NXPE4: variants seen among roughly 807,000 people sequenced by gnomAD.
NXPE4 encodes NXPE family member 4.
In NXPE4, 42 loss-of-function variants were observed where a neutral mutation model predicts 33.3. That is an observed-to-expected ratio of 1.26 (90% CI 0.98 to 1.63). The LOEUF is 1.63. NXPE4 is among the 40% of genes most tolerant of loss of function. NXPE4 has a pLI of 0.00. For missense variants in NXPE4, 709 were observed against 647.6 expected (o/e 1.09, Z -1.03); for synonymous variants, 253 against 234.9 (o/e 1.08, Z -0.71).
chr11:114,572,434 A>T (rs1212773706), intron 5 of NXPE4, among the ~76,000 whole-genome samples: 1 of 152,228 alleles, frequency 6.6e-6, no homozygotes, highest in African/African-American at 2.4e-5. Flanking sequence ...GAGGCACCAG[A>T]GAAAGGTGAA....
the NXPE4 span, among the ~76,000 whole-genome samples, chr11:114,620,123 T>A: frequency 6.6e-6 from 1 of 152,092 alleles, no homozygotes; most frequent in African/African-American, 2.4e-5. Flanking sequence ...ATAATACGTA[T>A]TTCCTCGTGG....
the NXPE4 span, among the ~76,000 whole-genome samples, chr11:114,641,731 A>G: frequency 2.0e-5 from 3 of 152,120 alleles, no homozygotes; most frequent in African/African-American, 7.2e-5. Flanking sequence ...CTTAGAGCAC[A>G]CTGAAAGTGG....
chr11:114,673,167 TG>T, the NXPE4 span, among the ~76,000 whole-genome samples: 2 of 150,272 alleles, frequency 1.3e-5, no homozygotes, highest in Non-Finnish European at 3.0e-5. Flanking sequence ...AAATTGGTAA[TG>T]AAAATAAATT....
chr11:114,640,378 C>T, the NXPE4 span, among the ~76,000 whole-genome samples: 161 of 149,366 alleles, frequency 1.1e-3, no homozygotes, highest in African/African-American at 3.9e-3. Context: ...GTTTCTTTAT[C>T]CACTCATGTG....
the NXPE4 span, among the ~76,000 whole-genome samples, chr11:114,667,323 T>G: frequency 2.0e-5 from 3 of 152,184 alleles, no homozygotes; most frequent in South Asian, 6.2e-4. Flanking sequence ...TAATTATATT[T>G]AATAACTAAA....
At chr11:114,572,604 C>A (rs972432386) in intron 5 of NXPE4, among the ~76,000 whole-genome samples, 10 of 151,786 alleles carry the variant, frequency 6.6e-5, no homozygotes, top group African/African-American at 1.9e-4. Flanking sequence ...ATTGAACAAG[C>A]AGAAAAAAGA....
intron 2 of NXPE4, among the ~76,000 whole-genome samples, chr11:114,586,404 T>C (rs1418876547): frequency 6.6e-6 from 1 of 152,098 alleles, no homozygotes; most frequent in East Asian, 1.9e-4. Flanking sequence ...GGACCCCAAC[T>C]CCTTCTTTTT....
At chr11:114,633,274 T>G in the NXPE4 span, among the ~76,000 whole-genome samples, 1 of 134,486 alleles carries the variant, frequency 7.4e-6, no homozygotes, top group African/African-American at 2.9e-5. Context: ...TTATATAGTA[T>G]TATGTTATAT....
At chr11:114,600,666 T>A (rs1298863357), upstream of NXPE4, among the ~76,000 whole-genome samples, 1 of 152,114 alleles carries the variant, frequency 6.6e-6, no homozygotes, top group African/African-American at 2.4e-5. Flanking sequence ...GATCCTGGAT[T>A]GGGTCCTGAA....
At chr11:114,580,495 T>A (rs1459325607) in intron 4 of NXPE4, among the ~76,000 whole-genome samples, 157 bp from the exon 5 acceptor site, 1 of 152,150 alleles carries the variant, frequency 6.6e-6, no homozygotes, top group Non-Finnish European at 1.5e-5. Context: ...GGAACAGCTG[T>A]TTTTTTAATA....
chr11:114,616,350 T>G, the NXPE4 span, among the ~76,000 whole-genome samples: 1 of 151,482 alleles, frequency 6.6e-6, no homozygotes, highest in Non-Finnish European at 1.5e-5. Context: ...GGATAAGTGT[T>G]GCCTCACGTG....
At chr11:114,666,429 T>C in the NXPE4 span, among the ~76,000 whole-genome samples, 8 of 152,290 alleles carry the variant, frequency 5.3e-5, no homozygotes, top group African/African-American at 1.4e-4. Context: ...TCAATTCAAT[T>C]TGATTATTAC....
the NXPE4 span, among the ~76,000 whole-genome samples, chr11:114,662,496 C>T: frequency 6.6e-6 from 1 of 152,180 alleles, no homozygotes; most frequent in African/African-American, 2.4e-5. Flanking sequence ...AGATGAGCTG[C>T]TACTAGTGCT....
the NXPE4 span, among the ~76,000 whole-genome samples, chr11:114,642,835 C>T: frequency 3.3e-5 from 5 of 152,038 alleles, no homozygotes; most frequent in Non-Finnish European, 5.9e-5. Flanking sequence ...TGAGGAATCG[C>T]CACACTGTCT....
chr11:114,636,633 A>T, the NXPE4 span, among the ~76,000 whole-genome samples: 1 of 151,982 alleles, frequency 6.6e-6, no homozygotes, highest in African/African-American at 2.4e-5. Context: ...CACTGCTTTG[A>T]ATGTGTCCCA....
the NXPE4 span, among the ~76,000 whole-genome samples, chr11:114,624,973 T>A: frequency 2.6e-5 from 4 of 151,840 alleles, no homozygotes; most frequent in South Asian, 8.3e-4. Context: ...ACCTTGTGGA[T>A]AGTAAGTGTT....
chr11:114,585,103 A>G (rs1224243922), intron 2 of NXPE4, among the ~76,000 whole-genome samples: 1 of 151,904 alleles, frequency 6.6e-6, no homozygotes, highest in Non-Finnish European at 1.5e-5. Flanking sequence ...AACATCAGCC[A>G]TTTTTAGATT....
the NXPE4 span, among the ~76,000 whole-genome samples, chr11:114,674,629 A>C: frequency 6.6e-6 from 1 of 151,830 alleles, no homozygotes; most frequent in Non-Finnish European, 1.5e-5. Context: ...GAACGACACA[A>C]AGTAACTACA....
intron 2 of NXPE4, among the ~76,000 whole-genome samples, chr11:114,592,756 A>G (rs776587972): frequency 4.6e-5 from 7 of 152,186 alleles, no homozygotes; most frequent in Non-Finnish European, 1.0e-4. Context: ...AGCTGAAGGC[A>G]GTATATTACC....
Sources: allele counts gnomAD v4.1 joint callset (sites outside exome capture counted in the v4.1 genomes callset), GRCh38; gene constraint gnomAD v4.1.1; transcripts MANE v1.5; gene names NCBI Gene and HGNC (gene_info 2026-07-23, HGNC 2026-07-21).